NETO1: variants seen among roughly 807,000 people sequenced by gnomAD.
The protein encoded by NETO1 is neuropilin and tolloid like 1, also known as neuropilin and tolloid-like protein 1.
In NETO1, 26 loss-of-function variants were observed where a neutral mutation model predicts 61.3. The ratio of observed to expected loss-of-function variants is 0.42; its 90% CI spans 0.31 to 0.59. The LOEUF is 0.59. Among genes scored for constraint, NETO1 ranks in the 20% least tolerant of loss-of-function variants. The pLI is 0.12. For synonymous variants in NETO1, 225 were observed against 225.8 expected (o/e 1.00, Z 0.03); for missense variants, 531 against 662.8 (o/e 0.80, Z 2.18).
chr18:72,865,201 G>A lies in NETO1; in HGVS notation c.69C>T (p.Thr23=). The A allele has an allele frequency of 1.2e-6, 2 of 1,612,896 alleles. No individual in the cohort carries two copies. The highest frequency in any genetic ancestry group is 1.7e-6 in the Non-Finnish European group (2 of 1,179,480). ...SLIILHLSGA[T]KKGTEKQTTS... ...AAGTAAACACACCTGTTCCTTTCTTGGTTGCCCCAGACAAATGGAGGATGA... is the reference window on the plus strand; with the variant it reads ...AAGTAAACACACCTGTTCCTTTCTTAGTTGCCCCAGACAAATGGAGGATGA... The change falls in exon 2 of 11, where the codon ACC becomes ACT. Residue 23 remains threonine (T), a synonymous_variant. Transcript: ENST00000327305.
chr18:72,866,291 A>G (rs534715741), intron 1 of NETO1, among the ~76,000 whole-genome samples: 1 of 152,086 alleles, frequency 6.6e-6, no homozygotes, highest in South Asian at 2.1e-4. Flanking sequence ...CTTAAACATC[A>G]CTCTAAGAAA....
chr18:72,778,421 G>C (rs78944652), intron 7 of NETO1, among the ~76,000 whole-genome samples: 2,583 of 152,096 alleles, frequency 0.017, 62 homozygotes, highest in East Asian at 0.093. Context: ...ATTAATAATT[G>C]CATCTCTAAA....
intron 4 of NETO1, among the ~76,000 whole-genome samples, chr18:72,795,391 T>C (rs1331164913): frequency 3.3e-5 from 5 of 152,218 alleles, no homozygotes; most frequent in Non-Finnish European, 5.9e-5. Flanking sequence ...AATAAAAGGC[T>C]AACTGTGATG....
rs776107511 is a variant in NETO1, at chr18:72,750,474, A to T, written c.1129T>A (p.Ser377Thr). 1.2e-6 allele frequency: 2 copies of T among 1,614,100 alleles called. No homozygotes were observed. ...QPRKKYVQRKSDFDQTVFQEV... is the reference protein window; with the variant it reads ...QPRKKYVQRKTDFDQTVFQEV... Reference sequence around the variant, plus strand: ...TGGAAAACTGTCTGGTCAAAGTCTGATTTCCTTTGGACATACTTTTTACGA... The same window carrying T: ...TGGAAAACTGTCTGGTCAAAGTCTGTTTTCCTTTGGACATACTTTTTACGA... Residue 377 changes from serine (S) to threonine (T), a missense_variant, in exon 9 of 11, where the codon TCA (serine) becomes ACA (threonine). By Grantham distance (58) the Ser-to-Thr change is moderately conservative. Transcript: ENST00000327305.
At chr18:72,776,167 C>A (rs2071540153) in intron 7 of NETO1, among the ~76,000 whole-genome samples, 1 of 152,134 alleles carries the variant, frequency 6.6e-6, no homozygotes, top group East Asian at 1.9e-4. Flanking sequence ...TGGAGAGTTT[C>A]CAAGGGGAAG....
chr18:72,768,880 A>G (rs1012290811), intron 7 of NETO1, among the ~76,000 whole-genome samples: 2 of 152,220 alleles, frequency 1.3e-5, no homozygotes, highest in Non-Finnish European at 2.9e-5. Context: ...CCAGAAGTGT[A>G]AGATAATAAA....
At chr18:72,861,674 G>A (rs960787879) in intron 3 of NETO1, among the ~76,000 whole-genome samples, 4 of 152,232 alleles carry the variant, frequency 2.6e-5, no homozygotes, top group Admixed American at 6.5e-5. Context: ...CCTCTTTTTC[G>A]TGACTGGGAC....
chr18:72,746,076 T>C lies in NETO1; in HGVS notation c.*2103A>G, dbSNP rs1160947731. On this transcript the variant is annotated 3_prime_UTR_variant, in exon 11 of 11. Coordinates refer to ENST00000327305, the MANE Select transcript of NETO1 (RefSeq NM_138966.5). ...AAGCAGGGAATCAGCATTCTGTATA[T>C]TCAGGAGAAACTGGAGGGGACGGAC... 6.6e-6 allele frequency: 1 copy of C among 152,110 alleles called. No homozygotes were observed. Among genetic ancestry groups the C allele is most frequent in the Admixed American group, 6.6e-5 (1 of 15,254 alleles). 9.4% of individuals were successfully genotyped at this position (152,110 alleles called of 1,614,324 possible).
chr18:72,806,087 C>T (rs758989158), intron 4 of NETO1, among the ~76,000 whole-genome samples: 8 of 151,886 alleles, frequency 5.3e-5, no homozygotes, highest in African/African-American at 1.5e-4. Flanking sequence ...GGTTGGTAGA[C>T]GACATTACCT....
chr18:72,846,452 C>A (rs1200295795), intron 4 of NETO1, among the ~76,000 whole-genome samples: 3 of 125,854 alleles, frequency 2.4e-5, no homozygotes, highest in Non-Finnish European at 4.7e-5. Flanking sequence ...TTGCAGTGAA[C>A]CAAGATCGTG....
At chr18:72,777,304 G>A (rs1161785009) in intron 7 of NETO1, among the ~76,000 whole-genome samples, 1 of 152,046 alleles carries the variant, frequency 6.6e-6, no homozygotes, top group Non-Finnish European at 1.5e-5. Context: ...TGAAATCTCA[G>A]CTACTTGGGA....
intron 4 of NETO1, among the ~76,000 whole-genome samples, chr18:72,855,592 C>T (rs1315377420): frequency 2.6e-5 from 4 of 152,114 alleles, no homozygotes; most frequent in Non-Finnish European, 5.9e-5. Context: ...TTCCCACGTA[C>T]AAATGGGAAT....
rs749501003 is a variant in NETO1 at position 72,750,286 on chromosome 18, G to T, written c.1317C>A (p.Ser439Arg). 6.2e-7 allele frequency: 1 copy of T among 1,614,076 alleles called. No individual in the cohort carries two copies. The highest frequency in any genetic ancestry group is 8.5e-7 in the Non-Finnish European group (1 of 1,179,982). ...HDHHCGSQLS[S>R]TKGSRSNLST... ...TGAGGTTACTGCGGCTGCCTTTAGT[G>T]CTGGACAGCTGTGATCCACAGTGAT... The change falls in exon 9 of 11, where the codon AGC becomes AGA. Residue 439 changes from serine (S) to arginine (R), a missense_variant. Transcript: ENST00000327305.
At chr18:72,816,070 T>C (rs1289329678) in intron 4 of NETO1, among the ~76,000 whole-genome samples, 4 of 151,874 alleles carry the variant, frequency 2.6e-5, no homozygotes, top group Admixed American at 6.6e-5. Flanking sequence ...TCTCTCTCTC[T>C]CCCTCTGTCC....
chr18:72,774,699 A>G (rs1691259227), intron 7 of NETO1, among the ~76,000 whole-genome samples: 1 of 152,060 alleles, frequency 6.6e-6, no homozygotes, highest in African/African-American at 2.4e-5. Context: ...TGATTAATTA[A>G]TTGTTTTTAC....
At chr18:72,837,626 G>A (rs1019351953) in intron 4 of NETO1, among the ~76,000 whole-genome samples, 9 of 152,200 alleles carry the variant, frequency 5.9e-5, no homozygotes, top group Admixed American at 2.0e-4. Context: ...TATAATATAG[G>A]AATATAGTTA....
At chr18:72,821,426 C>T (rs931533525) in intron 4 of NETO1, among the ~76,000 whole-genome samples, 3 of 150,312 alleles carry the variant, frequency 2.0e-5, no homozygotes, top group Non-Finnish European at 4.4e-5. Flanking sequence ...AATAGCCAGG[C>T]GTGGTGGCAC....
At chr18:72,843,648 G>A (rs953912974) in intron 4 of NETO1, among the ~76,000 whole-genome samples, 1 of 152,082 alleles carries the variant, frequency 6.6e-6, no homozygotes, top group African/African-American at 2.4e-5. Context: ...TTGGTAACCA[G>A]CCTCAGGAAA....
chr18:72,843,821 G>A (rs2074006513), intron 4 of NETO1, among the ~76,000 whole-genome samples: 1 of 152,220 alleles, frequency 6.6e-6, no homozygotes, highest in Non-Finnish European at 1.5e-5. Flanking sequence ...AACTCGCTAA[G>A]ATTGTTTGTA....
Sources: allele counts gnomAD v4.1 joint callset (sites outside exome capture counted in the v4.1 genomes callset), GRCh38; gene constraint gnomAD v4.1.1; transcripts MANE v1.5; gene names NCBI Gene and HGNC (gene_info 2026-07-23, HGNC 2026-07-21).